The following ARHGEF28 variants were observed in gnomAD, a reference collection of about 807,000 sequenced individuals.
ARHGEF28 encodes 190 kDa guanine nucleotide exchange factor.
A neutral mutation model predicts 206.6 loss-of-function variants in ARHGEF28; 152 were observed. The observed-to-expected ratio is 0.74, with a 90% confidence interval of 0.64 to 0.84. The LOEUF is 0.84. ARHGEF28 is among the 40% of genes least tolerant of loss of function. ARHGEF28 has a pLI of 0.00. For missense variants in ARHGEF28, 2,028 were observed against 2,073.2 expected (o/e 0.98, Z 0.42); for synonymous variants, 763 against 776.4 (o/e 0.98, Z 0.29).
At chr5:73,719,114 G>T (rs929220095) in intron 2 of ARHGEF28, among the ~76,000 whole-genome samples, 1 of 152,118 alleles carries the variant, frequency 6.6e-6, no homozygotes, top group African/African-American at 2.4e-5. Flanking sequence ...GTAATTCCCT[G>T]GTTCCAGAAG....
At chr5:73,926,338 G>T (rs959474808) in intron 35 of ARHGEF28, among the ~76,000 whole-genome samples, 2 of 152,104 alleles carry the variant, frequency 1.3e-5, no homozygotes, top group East Asian at 1.9e-4. Flanking sequence ...TGCCTCTCTC[G>T]TTTCAGGGTG....
At chr5:73,761,420 C>T (rs879369867) in intron 4 of ARHGEF28, among the ~76,000 whole-genome samples, 1 of 152,110 alleles carries the variant, frequency 6.6e-6, no homozygotes, top group Non-Finnish European at 1.5e-5. Flanking sequence ...AAAATCCCCA[C>T]GATTGAAAAA....
intron 34 of ARHGEF28, among the ~76,000 whole-genome samples, chr5:73,910,472 G>C (rs1238871651): frequency 6.7e-6 from 1 of 149,420 alleles, no homozygotes; most frequent in Non-Finnish European, 1.5e-5. Flanking sequence ...TTACCCTAAG[G>C]AACAAACACA....
intron 9 of ARHGEF28, chr5:73,813,678 A>T (rs1281796454): frequency 6.5e-7 from 1 of 1,535,374 alleles, no homozygotes; most frequent in South Asian, 1.2e-5. Context: ...AACAAGGTAG[A>T]TTGCAGTATC....
In ARHGEF28 at chr5:73,857,497, A is replaced by G. The variant is rs76587846; in HGVS notation, c.1791-159A>G. ...ACTTATGCTATAGGGTGTATTTTTA[A>G]TGAATTGTTTTTCTCTTTAGAACAG... is the stretch of plus-strand genomic sequence containing the variant. On this transcript the variant is annotated intron_variant, in intron 14 of 35. Coordinates refer to ENST00000513042, the MANE Select transcript of ARHGEF28 (RefSeq NM_001177693.2). 2.5e-3 allele frequency among the ~76,000 whole-genome samples: 380 copies of G among 152,030 alleles called. 9 individuals carry two copies. The East Asian group carries it at 0.065, about 26-fold the overall frequency.
At chr5:73,629,295 CA>C (rs1743210774) in intron 1 of ARHGEF28, among the ~76,000 whole-genome samples, 1 of 151,738 alleles carries the variant, frequency 6.6e-6, no homozygotes, top group Non-Finnish European at 1.5e-5. Context: ...CCCAGGAGTT[CA>C]AGACCAGCCT....
At chr5:73,859,029 C>T (rs188198448) in intron 16 of ARHGEF28, among the ~76,000 whole-genome samples, 40 of 152,296 alleles carry the variant, frequency 2.6e-4, no homozygotes, top group African/African-American at 7.9e-4. Context: ...GATACCCACA[C>T]GGATCACTCA....
intron 22 of ARHGEF28, 44 bp from the exon 23 acceptor site, chr5:73,882,428 A>C: frequency 7.6e-7 from 1 of 1,311,658 alleles, no homozygotes; most frequent in South Asian, 1.6e-5. Context: ...TGTGTTTAGA[A>C]CTTACTAAAT....
intron 9 of ARHGEF28, among the ~76,000 whole-genome samples, chr5:73,824,923 C>T (rs1435740267): frequency 6.6e-6 from 1 of 152,174 alleles, no homozygotes. Context: ...GACAGTGACA[C>T]TCCCATCACA....
At chr5:73,773,389 C>A (rs1753340530) in intron 4 of ARHGEF28, among the ~76,000 whole-genome samples, 1 of 152,202 alleles carries the variant, frequency 6.6e-6, no homozygotes, top group Non-Finnish European at 1.5e-5. Context: ...GGCTTCTTAT[C>A]AGGGGAGGAG....
intron 2 of ARHGEF28, among the ~76,000 whole-genome samples, chr5:73,706,303 C>T (rs867076541): frequency 2.0e-5 from 3 of 152,090 alleles, no homozygotes; most frequent in Admixed American, 6.5e-5. Flanking sequence ...GAGATCACAC[C>T]GCTGCACTCC....
rs116773128 is a variant in ARHGEF28, at chr5:73,747,986, T to A, written c.34-1851T>A. ...AGATGCAGATTAGATATCCTTGTGATCTGTGAAAATTTTTGATCTGTTTAT... is the reference window on the plus strand; with the variant it reads ...AGATGCAGATTAGATATCCTTGTGAACTGTGAAAATTTTTGATCTGTTTAT... On this transcript the variant is annotated intron_variant, in intron 2 of 35. Coordinates refer to ENST00000513042, the MANE Select transcript of ARHGEF28 (RefSeq NM_001177693.2). Among the ~76,000 whole-genome samples the A allele has an allele frequency of 3.8e-3, 577 of 152,348 alleles. 1 individual carries two copies. The highest frequency in any genetic ancestry group is 6.9e-3 in the Non-Finnish European group (471 of 68,036).
intron 16 of ARHGEF28, among the ~76,000 whole-genome samples, chr5:73,860,756 C>T (rs941385149): frequency 2.0e-5 from 3 of 152,170 alleles, no homozygotes; most frequent in Non-Finnish European, 4.4e-5. Context: ...CCCACATAAA[C>T]TTAAGGACCT....
intron 4 of ARHGEF28, among the ~76,000 whole-genome samples, chr5:73,765,134 C>T (rs1752825407): frequency 1.3e-5 from 2 of 152,164 alleles, no homozygotes; most frequent in African/African-American, 4.8e-5. Flanking sequence ...TTCCTTACTT[C>T]TATTCACATT....
intron 26 of ARHGEF28, among the ~76,000 whole-genome samples, chr5:73,887,993 A>C (rs1412543402): frequency 6.6e-6 from 1 of 152,120 alleles, no homozygotes; most frequent in Non-Finnish European, 1.5e-5. Context: ...AAATGTCCCC[A>C]CGCCATCTAG....
At chr5:73,933,120 T>C (rs957089449) in intron 35 of ARHGEF28, among the ~76,000 whole-genome samples, 8 of 149,864 alleles carry the variant, frequency 5.3e-5, no homozygotes, top group Non-Finnish European at 1.0e-4. Context: ...TATTTCCTAT[T>C]TCTTACATAT....
intron 18 of ARHGEF28, among the ~76,000 whole-genome samples, chr5:73,867,283 A>G (rs1185500915): frequency 6.6e-6 from 1 of 152,234 alleles, no homozygotes; most frequent in African/African-American, 2.4e-5. Context: ...TATAGTACAC[A>G]TCAAATGTAA....
At chr5:73,861,532 A>G (rs981455516) in intron 16 of ARHGEF28, among the ~76,000 whole-genome samples, 2 of 152,206 alleles carry the variant, frequency 1.3e-5, no homozygotes, top group Non-Finnish European at 2.9e-5. Flanking sequence ...TCCCAGGCTC[A>G]AGCGATTCTC....
At chr5:73,930,055 A>G (rs901726285) in intron 35 of ARHGEF28, among the ~76,000 whole-genome samples, 2 of 152,184 alleles carry the variant, frequency 1.3e-5, no homozygotes, top group Non-Finnish European at 2.9e-5. Context: ...ATTTTTTCCT[A>G]TTAGAAGTGG....
Sources: gnomAD v4.1 joint callset for allele counts (sites outside exome capture counted in the v4.1 genomes callset) on GRCh38, gnomAD v4.1.1 for gene constraint, MANE v1.5 for transcripts, NCBI Gene and HGNC (gene_info 2026-07-23, HGNC 2026-07-21) for gene names.